The following MED13 variants were observed in gnomAD, a reference collection of about 807,000 sequenced individuals.
MED13 encodes the protein mediator of RNA polymerase II transcription subunit 13.
MED13 carries 23 observed loss-of-function variants against 225.2 expected under a neutral mutation model. The ratio of observed to expected loss-of-function variants is 0.10; its 90% CI spans 0.07 to 0.14. MED13 has a LOEUF of 0.14. Among genes scored for constraint, MED13 ranks in the 10% least tolerant of loss-of-function variants. The pLI, the probability that MED13 is intolerant of heterozygous loss-of-function variation, is 1.00. For synonymous variants in MED13, 942 were observed against 889.2 expected (o/e 1.06, Z -1.06); for missense variants, 2,197 against 2,594.5 (o/e 0.85, Z 3.33).
intron 18 of MED13, 54 bp downstream of exon 18, chr17:61,967,978 TACA>T: frequency 2.2e-6 from 3 of 1,358,880 alleles, no homozygotes; most frequent in Non-Finnish European, 3.1e-6. Context: ...ATGCTGTATA[TACA>T]ACAATACAAA....
chr17:62,058,126 C>T (rs866406196), intron 2 of MED13, among the ~76,000 whole-genome samples: 3 of 152,114 alleles, frequency 2.0e-5, no homozygotes, highest in South Asian at 4.1e-4. Flanking sequence ...GATTCTTGAC[C>T]AGAGGGACTG....
At chr17:61,959,599 T>C (rs2079979999) in intron 23 of MED13, among the ~76,000 whole-genome samples, 1 of 152,120 alleles carries the variant, frequency 6.6e-6, no homozygotes, top group Admixed American at 6.6e-5. Context: ...TTAATGTTTC[T>C]ATCTTCTGCT....
At chr17:61,984,078 AATTTT>A (rs2080227839) in intron 15 of MED13, 88 bp downstream of exon 15, 3 of 1,034,894 alleles carry the variant, frequency 2.9e-6, no homozygotes, top group Admixed American at 3.1e-5. Context: ...TTCAAAAACC[AATTTT>A]ATTTTTCCAG....
At chr17:62,020,139 TTTAGA>T (rs1293263490) in intron 8 of MED13, among the ~76,000 whole-genome samples, 1 of 152,042 alleles carries the variant, frequency 6.6e-6, no homozygotes, top group Non-Finnish European at 1.5e-5. Flanking sequence ...GAGTAATCCT[TTTAGA>T]TTATTTTTTC....
intron 8 of MED13, 197 bp downstream of exon 8, chr17:62,029,344 T>C (rs981831957): frequency 1.6e-5 from 9 of 562,206 alleles, no homozygotes; most frequent in African/African-American, 1.5e-4. Context: ...CTGGTAACAG[T>C]GAATGAACTG....
At chr17:62,025,326 T>C (rs1463483215) in intron 8 of MED13, among the ~76,000 whole-genome samples, 3 of 152,240 alleles carry the variant, frequency 2.0e-5, no homozygotes, top group African/African-American at 7.2e-5. Flanking sequence ...AACTTTCACA[T>C]ACCATAAAAC....
chr17:61,969,601 G>GT (rs989204295), intron 17 of MED13, among the ~76,000 whole-genome samples: 49 of 151,178 alleles, frequency 3.2e-4, no homozygotes, highest in East Asian at 7.8e-4. Context: ...CTTTCTTTTA[G>GT]TTTTTTTTTG....
chr17:61,991,530 G>A (rs930468507), intron 11 of MED13, among the ~76,000 whole-genome samples: 8 of 151,720 alleles, frequency 5.3e-5, no homozygotes, highest in Non-Finnish European at 1.0e-4. Context: ...GTTTGTTTGA[G>A]ACAGAGTCTC....
At chr17:61,951,569 CA>C (rs556040542) in intron 27 of MED13, among the ~76,000 whole-genome samples, 19 of 150,356 alleles carry the variant, frequency 1.3e-4, no homozygotes, top group Non-Finnish European at 8.9e-5. Context: ...TTATCTATAA[CA>C]AAAAAAAATC....
chr17:61,950,761 A>G (rs932309631), intron 28 of MED13, 64 bp downstream of exon 28: 31 of 1,500,330 alleles, frequency 2.1e-5, no homozygotes, highest in South Asian at 3.9e-5. Context: ...AGCCACTTCT[A>G]TATTTCTCAG....
rs138410843 is a variant in MED13, at chr17:61,982,230, C to T, written c.3773G>A (p.Ser1258Asn). 3 of 1,613,780 alleles carry T rather than the reference C, an allele frequency of 1.9e-6. No individual in the cohort carries two copies. Among genetic ancestry groups the T allele is most frequent in the East Asian group, 4.5e-5 (2 of 44,894 alleles). ...TTTGGACCAGGGGTGTAAGCATGAA[C>T]TTTTCACAAGTGCTTCATCAACTTT... ...GGKVDEALVK[S>N]SCLHPWSKRN... The change falls in exon 16 of 30, where the codon AGT becomes AAT. Residue 1258 changes from serine (S) to asparagine (N), a missense_variant. Ser to Asn is a conservative substitution (Grantham distance 46). Transcript: ENST00000397786.
chr17:61,999,183 T>C (rs975556543), intron 9 of MED13, among the ~76,000 whole-genome samples: 2 of 152,138 alleles, frequency 1.3e-5, no homozygotes, highest in African/African-American at 4.8e-5. Flanking sequence ...TACATACAAA[T>C]CTGGTATACC....
intron 9 of MED13, chr17:62,005,532 G>A (rs2080438446): frequency 6.6e-6 from 1 of 152,258 alleles, no homozygotes; most frequent in South Asian, 2.1e-4. Flanking sequence ...CGTGAACCTG[G>A]GAGGTGGAAG....
chr17:62,031,480 G>A lies in MED13; in HGVS notation c.973C>T (p.Leu325Phe). The A allele has an allele frequency of 1.9e-6, 3 of 1,613,402 alleles. No individual in the cohort carries two copies. The highest frequency in any genetic ancestry group is 1.1e-5 in the South Asian group (1 of 90,986). ...TCCTCAGGAGACGTAGGTGGTGTAA[G>A]CGTAACCGAAGACATAGCAGGATCT... ...TRDPAMSSVTLTPPTSPEEVQ... is the reference protein window; with the variant it reads ...TRDPAMSSVTFTPPTSPEEVQ... The change falls in exon 6 of 30, where the codon CTT becomes TTT. Residue 325 changes from leucine to phenylalanine, a missense_variant. Coordinates refer to ENST00000397786, the MANE Select transcript of MED13 (RefSeq NM_005121.3).
At chr17:62,020,932 C>T (rs2080636734) in intron 8 of MED13, among the ~76,000 whole-genome samples, 1 of 151,300 alleles carries the variant, frequency 6.6e-6, no homozygotes, top group Non-Finnish European at 1.5e-5. Context: ...TAACAAAGCA[C>T]ATCTTGCACT....
At chr17:62,040,766 C>T (rs1035155505) in intron 3 of MED13, among the ~76,000 whole-genome samples, 6 of 151,928 alleles carry the variant, frequency 3.9e-5, no homozygotes, top group Admixed American at 6.6e-5. Context: ...TAAAAATGGC[C>T]GATAAACACA....
intron 3 of MED13, among the ~76,000 whole-genome samples, chr17:62,051,798 C>G (rs1372885293): frequency 1.3e-5 from 2 of 152,208 alleles, no homozygotes; most frequent in African/African-American, 4.8e-5. Flanking sequence ...TTCCCCACAT[C>G]CCAACTTACT....
At chr17:62,008,176 A>G (rs1022337947) in intron 9 of MED13, among the ~76,000 whole-genome samples, 3 of 147,904 alleles carry the variant, frequency 2.0e-5, no homozygotes, top group Admixed American at 6.7e-5. Context: ...AAAATTAGCC[A>G]GGAGTGGTGG....
At chr17:62,039,397 C>T (rs574909485) in intron 3 of MED13, among the ~76,000 whole-genome samples, 6 of 152,146 alleles carry the variant, frequency 3.9e-5, no homozygotes, top group South Asian at 2.1e-4. Flanking sequence ...ATTCTTCTTC[C>T]TCTGCCTCCT....
Sources: allele counts gnomAD v4.1 joint callset (sites outside exome capture counted in the v4.1 genomes callset), GRCh38; gene constraint gnomAD v4.1.1; transcripts MANE v1.5; gene names NCBI Gene and HGNC (gene_info 2026-07-23, HGNC 2026-07-21).